The following AHNAK variants were observed in gnomAD, a reference collection of about 807,000 sequenced individuals.
The protein encoded by AHNAK is neuroblast differentiation-associated protein AHNAK.
In AHNAK, 23 loss-of-function variants were observed where a neutral mutation model predicts 37.8. That is an observed-to-expected ratio of 0.61 (90% CI 0.44 to 0.86). The LOEUF (loss-of-function observed/expected upper bound fraction) is 0.86, where lower values mean the gene tolerates loss of function less well. Ranked by LOEUF, AHNAK falls within the 40% of genes least tolerant of loss-of-function variation. AHNAK has a pLI of 0.00. For missense variants in AHNAK, 7,411 were observed against 7,319.4 expected (o/e 1.01, Z -0.46); for synonymous variants, 2,481 against 2,636.3 (o/e 0.94, Z 1.80).
At chr11:62,536,955 A>AT (rs1263755944) in intron 1 of AHNAK, among the ~76,000 whole-genome samples, 8 of 148,534 alleles carry the variant, frequency 5.4e-5, no homozygotes, top group Non-Finnish European at 5.9e-5. Context: ...TATTTATTTT[A>AT]TTTATTTTTT....
At chr11:62,468,898 G>GT (rs1329141913) in intron 5 of AHNAK, among the ~76,000 whole-genome samples, 1 of 152,202 alleles carries the variant, frequency 6.6e-6, no homozygotes, top group Non-Finnish European at 1.5e-5. Flanking sequence ...TGTCTTTAAA[G>GT]TTAACCTCCT....
Position 62,515,973 on chromosome 11 carries a change from T to G in AHNAK, c.*771A>C, listed in dbSNP as rs1045121357. On this transcript the variant is annotated 3_prime_UTR_variant, in exon 5 of 5. Transcript: ENST00000378024. ...CTTACATTCTCAGTTAATTGGCCAT[T>G]AAAGTGCTGGAAATTTTCTTAATCA... 1 of 1,169,960 alleles carries G rather than the reference T, an allele frequency of 8.5e-7. No homozygotes were observed. Among genetic ancestry groups the G allele is most frequent in the African/African-American group, 1.6e-5 (1 of 62,332 alleles). 72.5% of individuals were successfully genotyped at this position (1,169,960 alleles called of 1,614,324 possible).
chr11:62,509,359 G>A (rs915376591), intron 4 of AHNAK, among the ~76,000 whole-genome samples: 5 of 152,180 alleles, frequency 3.3e-5, no homozygotes, highest in Non-Finnish European at 7.3e-5. Flanking sequence ...CTTGAGGTCA[G>A]GAGTTCGAGA....
intron 4 of AHNAK, among the ~76,000 whole-genome samples, chr11:62,510,290 C>T (rs7938160): frequency 1.3e-4 from 19 of 151,992 alleles, no homozygotes; most frequent in Admixed American, 7.9e-4. Context: ...AAGATCCACC[C>T]GCCTCAGCCT....
chr11:62,507,279 G>A (rs1404234082), intron 4 of AHNAK, among the ~76,000 whole-genome samples: 1 of 152,044 alleles, frequency 6.6e-6, no homozygotes, highest in Non-Finnish European at 1.5e-5. Context: ...CAGTTTCTTT[G>A]TCTGTTAAAT....
At chr11:62,502,214 A>T (rs1939725022) in intron 4 of AHNAK, among the ~76,000 whole-genome samples, 1 of 152,178 alleles carries the variant, frequency 6.6e-6, no homozygotes, top group African/African-American at 2.4e-5. Context: ...CCAGCAGGGC[A>T]GTCCTGGGGG....
At chr11:62,447,533 T>C (rs1247790672) in intron 5 of AHNAK, among the ~76,000 whole-genome samples, 1 of 152,216 alleles carries the variant, frequency 6.6e-6, no homozygotes, top group Non-Finnish European at 1.5e-5. Context: ...TCGGTGACAC[T>C]GACACAGAGC....
In AHNAK at chr11:62,520,165, T is replaced by C. The variant is rs1387975177; in HGVS notation, c.14252A>G (p.Lys4751Arg). ...GCCCTTGATGTCAGCTTCTGGGCCC[T>C]TGAGGTCACCTTCCACTTTAGGAAG... ...VTLPKVEGDL[K>R]GPEADIKGPK... is the part of the protein sequence containing the mutation. The change falls in exon 5 of 5, where the codon AAG (lysine) becomes AGG (arginine). Residue 4751 changes from lysine (K) to arginine (R), a missense_variant. Transcript: ENST00000378024. 1 of 1,613,792 alleles carries C rather than the reference T, an allele frequency of 6.2e-7. No individual in the cohort carries two copies. Among genetic ancestry groups the C allele is most frequent in the Admixed American group, 1.7e-5 (1 of 59,976 alleles).
At chr11:62,469,665 A>C (rs1343119048) in intron 5 of AHNAK, among the ~76,000 whole-genome samples, 1 of 151,774 alleles carries the variant, frequency 6.6e-6, no homozygotes, top group Non-Finnish European at 1.5e-5. Context: ...ATGGGGTTTC[A>C]CTGTGTTGGC....
In AHNAK at chr11:62,521,248, A is replaced by G. The variant is rs748464850; in HGVS notation, c.13169T>C (p.Ile4390Thr). 3 of 1,613,880 alleles carry G rather than the reference A, an allele frequency of 1.9e-6. No individual in the cohort carries two copies. Among genetic ancestry groups the G allele is most frequent in the South Asian group, 1.1e-5 (1 of 91,060 alleles). ...TTTGGGACCCTTCAAGTTAAAGTCA[A>G]TGTCAGGCATGGAGATTTTGGGGGC... ...IKAPKISMPD[I>T]DFNLKGPKVK... is the part of the protein sequence containing the mutation. Residue 4390 changes from isoleucine to threonine, a missense_variant, in exon 5 of 5, where the codon ATT becomes ACT. Coordinates refer to ENST00000378024, the MANE Select transcript of AHNAK (RefSeq NM_001620.3).
chr11:62,534,165 G>T (rs1383368211), intron 4 of AHNAK, 91 bp from the exon 5 acceptor site: 11 of 1,369,436 alleles, frequency 8.0e-6, no homozygotes, highest in Non-Finnish European at 1.1e-5. Context: ...CACGTTGCCT[G>T]TTTCCCAGAG....
At position 62,526,369 on chromosome 11, in the gene AHNAK, A is replaced by G. The variant is rs375813734; in HGVS notation, c.8048T>C (p.Ile2683Thr). The G allele has an allele frequency of 5.6e-6, 9 of 1,609,028 alleles. No homozygotes were observed. Among genetic ancestry groups the G allele is most frequent in the Non-Finnish European group, 6.8e-6 (8 of 1,178,670 alleles). Residue 2683 changes from isoleucine (I) to threonine (T), a missense_variant, in exon 5 of 5, where the codon ATT becomes ACT. Transcript: ENST00000378024. ...KVDIEGPDVN[I>T]EGPEGKLKGP... ...TTTCAACTTTCCCTCTGGTCCTTCA[A>G]TGTTAACATCAGGGCCTTCAATGTC...
At chr11:62,463,206 T>G (rs997408436) in intron 5 of AHNAK, among the ~76,000 whole-genome samples, 1 of 151,852 alleles carries the variant, frequency 6.6e-6, no homozygotes, top group African/African-American at 2.4e-5. Flanking sequence ...TTTCTAACAA[T>G]GTATCCATTT....
At chr11:62,491,934 C>G in intron 4 of AHNAK, 1 of 1,023,808 alleles carries the variant, frequency 9.8e-7, no homozygotes, top group Non-Finnish European at 1.4e-6. Flanking sequence ...AGAGACCCCA[C>G]GTTTACCACT....
At position 62,530,692 on chromosome 11, in the gene AHNAK, T is replaced by A; in HGVS notation, c.3725A>T (p.Asp1242Val). The change falls in exon 5 of 5, where the codon GAT becomes GTT. Residue 1242 changes from aspartate (D) to valine (V), a missense_variant. Physicochemically the swap from Asp to Val is radical, Grantham distance 152. Coordinates refer to ENST00000378024, the MANE Select transcript of AHNAK (RefSeq NM_001620.3). ...CCAGTCTGGGCCTTGAACCTCCACATCTGGGGCATCAATGTCCATTTTGGG... is the reference window on the plus strand; with the variant it reads ...CCAGTCTGGGCCTTGAACCTCCACAACTGGGGCATCAATGTCCATTTTGGG... ...KGPKMDIDAP[D>V]VEVQGPDWHL... The A allele has an allele frequency of 6.2e-7, 1 of 1,613,734 alleles. No individual in the cohort carries two copies. Among genetic ancestry groups the A allele is most frequent in the Non-Finnish European group, 8.5e-7 (1 of 1,179,974 alleles).
Position 62,523,285 on chromosome 11 carries a change from T to C in AHNAK, c.11132A>G (p.Lys3711Arg), listed in dbSNP as rs778445642. 108 of 1,613,988 alleles carry C rather than the reference T, an allele frequency of 6.7e-5. No individual in the cohort carries two copies. The highest frequency in any genetic ancestry group is 4.9e-4 in the Middle Eastern group (3 of 6,082). The change falls in exon 5 of 5, where the codon AAA becomes AGA. Residue 3711 changes from lysine (K) to arginine (R), a missense_variant. Lys to Arg is a conservative substitution (Grantham distance 26). Transcript: ENST00000378024. ...KGPEVDIKGP[K>R]VDIDTPDINI... ...AATGTCAGGAGTGTCAATGTCCACTTTGGGGCCCTTGATGTCCACCTCAGG... is the reference window on the plus strand; with the variant it reads ...AATGTCAGGAGTGTCAATGTCCACTCTGGGGCCCTTGATGTCCACCTCAGG...
Position 62,526,448 on chromosome 11 carries a change from C to G in AHNAK, c.7969G>C (p.Asp2657His), listed in dbSNP as rs1940490010. ...GCCTTGGGCAGCTTCACATCCCCAT[C>G]TGGGCCCTCTCCTTTGAAGCCAGGC... ...SMPGFKGEGP[D>H]GDVKLPKADI... The change falls in exon 5 of 5, where the codon GAT becomes CAT. Residue 2657 changes from aspartate (D) to histidine (H), a missense_variant. Physicochemically the swap from Asp to His is moderately conservative, Grantham distance 81. Coordinates refer to ENST00000378024, the MANE Select transcript of AHNAK (RefSeq NM_001620.3). 3 of 1,612,448 alleles carry G rather than the reference C, an allele frequency of 1.9e-6. No individual in the cohort carries two copies. Among genetic ancestry groups the G allele is most frequent in the African/African-American group, 2.7e-5 (2 of 74,484 alleles).
chr11:62,467,799 C>T (rs1483914062), intron 5 of AHNAK, among the ~76,000 whole-genome samples: 1 of 152,218 alleles, frequency 6.6e-6, no homozygotes, highest in African/African-American at 2.4e-5. Context: ...CAACTCCCAA[C>T]ACCCTACTAA....
chr11:62,508,695 A>T (rs1939853805), intron 4 of AHNAK, among the ~76,000 whole-genome samples: 1 of 152,248 alleles, frequency 6.6e-6, no homozygotes. Flanking sequence ...AGCCTTAGGA[A>T]GCACCAGCGG....
Sources: allele counts gnomAD v4.1 joint callset (sites outside exome capture counted in the v4.1 genomes callset), GRCh38; gene constraint gnomAD v4.1.1; transcripts MANE v1.5; gene names NCBI Gene and HGNC (gene_info 2026-07-23, HGNC 2026-07-21).